The following CTBP2 variants were observed in gnomAD, a reference collection of about 807,000 sequenced individuals.
CTBP2 encodes the protein C-terminal binding protein 2.
In CTBP2, 30 loss-of-function variants were observed where a neutral mutation model predicts 80.3. The observed-to-expected ratio is 0.37, with a 90% CI of 0.28 to 0.51. The LOEUF (loss-of-function observed/expected upper bound fraction) is 0.51, where lower values mean the gene tolerates loss of function less well. Ranked by LOEUF, CTBP2 falls within the 20% of genes least tolerant of loss-of-function variation. The pLI is 0.93. For synonymous variants in CTBP2, 594 were observed against 587.4 expected, an observed-to-expected ratio of 1.01 and a Z score of -0.16; for missense variants, 1,212 against 1,375.3, an observed-to-expected ratio of 0.88 and a Z score of 1.88.
chr10:125,153,295 C>CT (rs1860333635), intron 1 of CTBP2, among the ~76,000 whole-genome samples: 1 of 152,238 alleles, frequency 6.6e-6, no homozygotes, highest in African/African-American at 2.4e-5. Context: ...GTGGGCAGGC[C>CT]TGGGAGCTGG....
At chr10:124,996,053 T>G (rs865993843) in intron 4 of CTBP2, 8,419 of 149,842 alleles carry the variant, frequency 0.056, 408 homozygotes, top group Non-Finnish European at 0.08. Flanking sequence ...TCTTTGTTTT[T>G]TTTTTTTTTT....
intron 2 of CTBP2, among the ~76,000 whole-genome samples, chr10:125,065,615 G>A (rs1032453625): frequency 3.9e-5 from 6 of 152,164 alleles, no homozygotes; most frequent in African/African-American, 1.2e-4. Flanking sequence ...TAAGGGGGCC[G>A]GAGGGAGAAA....
At chr10:125,048,819 T>C (rs1030081013) in intron 2 of CTBP2, among the ~76,000 whole-genome samples, 3 of 152,156 alleles carry the variant, frequency 2.0e-5, no homozygotes, top group South Asian at 2.1e-4. Flanking sequence ...CCATTACAAA[T>C]GACAGCCTCT....
intron 2 of CTBP2, among the ~76,000 whole-genome samples, chr10:125,053,105 A>AC (rs1963160525): frequency 6.6e-6 from 1 of 152,184 alleles, no homozygotes; most frequent in African/African-American, 2.4e-5. Flanking sequence ...AAAAAAGAAA[A>AC]CAAAACCCCA....
chr10:124,991,550 A>G (rs1054765311), intron 8 of CTBP2, among the ~76,000 whole-genome samples: 3 of 152,220 alleles, frequency 2.0e-5, no homozygotes, highest in Admixed American at 6.5e-5. Context: ...CAAGAGTGTC[A>G]GAGCCTTCAT....
chr10:125,049,116 CACACA>C (rs1394859677), intron 2 of CTBP2, among the ~76,000 whole-genome samples: 2 of 132,528 alleles, frequency 1.5e-5, no homozygotes, highest in African/African-American at 5.7e-5. Flanking sequence ...CACACATACA[CACACA>C]ACACCCCTTT....
intron 1 of CTBP2, chr10:125,005,839 A>C (rs1479813299): frequency 6.3e-7 from 1 of 1,591,390 alleles, no homozygotes; most frequent in South Asian, 1.1e-5. Flanking sequence ...CACAGTGAGG[A>C]ACACCCCAAC....
chr10:125,117,692 T>C (rs112208299), intron 1 of CTBP2, among the ~76,000 whole-genome samples: 6 of 152,348 alleles, frequency 3.9e-5, no homozygotes, highest in South Asian at 4.1e-4. Context: ...CACTTTAGCA[T>C]TGCTGGATTA....
chr10:125,002,598 T>C (rs920423352), intron 3 of CTBP2, among the ~76,000 whole-genome samples: 3 of 151,508 alleles, frequency 2.0e-5, no homozygotes, highest in Non-Finnish European at 4.4e-5. Context: ...ACGGCAGGGG[T>C]CATTTAGGGG....
intron 2 of CTBP2, among the ~76,000 whole-genome samples, chr10:125,044,854 CT>C (rs1960831084): frequency 6.6e-6 from 1 of 152,184 alleles, no homozygotes; most frequent in Admixed American, 6.5e-5. Flanking sequence ...CTGGCCCAGC[CT>C]TTGATTAAAT....
At chr10:125,031,087 A>C (rs1490590483), upstream of CTBP2, among the ~76,000 whole-genome samples, 3 of 152,218 alleles carry the variant, frequency 2.0e-5, no homozygotes, top group Admixed American at 6.5e-5. Flanking sequence ...ACAGGGCAGA[A>C]AAATCGGCCT....
intron 1 of CTBP2, among the ~76,000 whole-genome samples, chr10:125,140,354 T>C (rs906321428): frequency 1.3e-5 from 2 of 150,132 alleles, no homozygotes; most frequent in African/African-American, 4.9e-5. Flanking sequence ...CCAATCACGA[T>C]GACTGCCGCT....
At chr10:125,154,790 G>A (rs1860629592) in intron 1 of CTBP2, among the ~76,000 whole-genome samples, 1 of 152,234 alleles carries the variant, frequency 6.6e-6, no homozygotes, top group Admixed American at 6.5e-5. Flanking sequence ...GTTCCACTTT[G>A]GGACCTCGGC....
chr10:125,003,166 G>A (rs926218020), intron 2 of CTBP2, 62 bp from the exon 5 acceptor site: 7 of 1,607,374 alleles, frequency 4.4e-6, no homozygotes, highest in Non-Finnish European at 6.0e-6. Context: ...GCACCACTTG[G>A]CCTGGCCCCC....
Position 125,005,671 on chromosome 10 carries a change from C to T in CTBP2, c.1679-2179G>A, listed in dbSNP as rs772861804. On this transcript the variant is annotated intron_variant, in intron 1 of 8. Coordinates refer to ENST00000309035, the MANE Select transcript of CTBP2 (RefSeq NM_022802.3). ...AGGAACCCGACACACATGGCTCCCA[C>T]CTGGGCTCCTGTTTTCTGCTAAGAA... 2.5e-6 allele frequency: 4 copies of T among 1,612,826 alleles called. No individual in the cohort carries two copies. In the African/African-American group the frequency reaches 4.0e-5, roughly 16 times the overall value.
intron 1 of CTBP2, among the ~76,000 whole-genome samples, chr10:125,159,229 C>T (rs1311550304): frequency 2.7e-5 from 4 of 150,208 alleles, no homozygotes; most frequent in African/African-American, 9.7e-5. Flanking sequence ...CCCTGCCGCC[C>T]GGGGCGCGCC....
chr10:125,014,958 C>A (rs1033182727), intron 1 of CTBP2, among the ~76,000 whole-genome samples: 1 of 152,216 alleles, frequency 6.6e-6, no homozygotes, highest in Non-Finnish European at 1.5e-5. Context: ...AGTGAGCGTT[C>A]GTCAACCCAA....
chr10:125,103,163 A>C (rs1850902642), intron 2 of CTBP2, among the ~76,000 whole-genome samples: 1 of 152,196 alleles, frequency 6.6e-6, no homozygotes, highest in Non-Finnish European at 1.5e-5. Flanking sequence ...TTCTGTCTGC[A>C]GAAAACACTC....
intron 1 of CTBP2, among the ~76,000 whole-genome samples, chr10:125,025,069 C>T (rs944493680): frequency 3.9e-5 from 6 of 152,090 alleles, no homozygotes; most frequent in Non-Finnish European, 7.4e-5. Flanking sequence ...CCTCGGTCCC[C>T]GCCTACAGCT....
Sources: gnomAD v4.1 joint callset for allele counts (sites outside exome capture counted in the v4.1 genomes callset) on GRCh38, gnomAD v4.1.1 for gene constraint, MANE v1.5 for transcripts, NCBI Gene and HGNC (gene_info 2026-07-23, HGNC 2026-07-21) for gene names.